The following GABRG3 variants were observed in gnomAD, a reference collection of about 807,000 sequenced individuals.
GABRG3 encodes gamma-aminobutyric acid type A receptor subunit gamma3.
A neutral mutation model predicts 48.8 loss-of-function variants in GABRG3; 25 were observed. The ratio of observed to expected loss-of-function variants is 0.51; its 90% CI spans 0.37 to 0.72. The LOEUF is 0.72. GABRG3 is among the 30% of genes least tolerant of loss of function. The pLI is 0.00. For synonymous variants in GABRG3, 227 were observed against 217.6 expected, an observed-to-expected ratio of 1.04 and a Z score of -0.38; for missense variants, 394 against 577.9, an observed-to-expected ratio of 0.68 and a Z score of 3.26.
At chr15:27,041,618 C>G (rs76209017) in intron 3 of GABRG3, among the ~76,000 whole-genome samples, 3,210 of 152,310 alleles carry the variant, frequency 0.021, 115 homozygotes, top group African/African-American at 0.073. Flanking sequence ...AATAAACTTT[C>G]CCTTTTTGGT....
intron 5 of GABRG3, among the ~76,000 whole-genome samples, chr15:27,329,776 T>A (rs1181585636): frequency 6.6e-6 from 1 of 152,226 alleles, no homozygotes; most frequent in Non-Finnish European, 1.5e-5. Context: ...AGTATAAGAG[T>A]ACATATAAAA....
At chr15:27,183,975 A>G (rs1220158148) in intron 3 of GABRG3, among the ~76,000 whole-genome samples, 1 of 152,214 alleles carries the variant, frequency 6.6e-6, no homozygotes. Context: ...TACCTGGGGT[A>G]ACAAAAGACA....
intron 6 of GABRG3, among the ~76,000 whole-genome samples, chr15:27,493,187 A>G (rs1446358921): frequency 6.6e-6 from 1 of 152,220 alleles, no homozygotes; most frequent in Non-Finnish European, 1.5e-5. Flanking sequence ...GTTTTTGTTA[A>G]TATCTTGGTA....
At chr15:27,402,311 C>G (rs563257210) in intron 5 of GABRG3, among the ~76,000 whole-genome samples, 1 of 152,234 alleles carries the variant, frequency 6.6e-6, no homozygotes, top group African/African-American at 2.4e-5. Flanking sequence ...AGAATGCTAA[C>G]AAGATATTGA....
intron 3 of GABRG3, among the ~76,000 whole-genome samples, chr15:27,143,577 C>T (rs546324858): frequency 6.6e-6 from 1 of 152,206 alleles, no homozygotes; most frequent in Admixed American, 6.5e-5. Context: ...AATGGAAAAG[C>T]CCAGGTGACA....
chr15:27,400,231 T>A (rs1887434840), intron 5 of GABRG3, among the ~76,000 whole-genome samples: 1 of 152,234 alleles, frequency 6.6e-6, no homozygotes, highest in South Asian at 2.1e-4. Flanking sequence ...ATTATATTTT[T>A]TAAATGTTCT....
At position 27,236,090 on chromosome 15, in the gene GABRG3, C is replaced by A. The variant is rs1175695244; in HGVS notation, c.271-90719C>A. Among the ~76,000 whole-genome samples, 1 of 152,088 alleles carries A rather than the reference C, an allele frequency of 6.6e-6. No individual in the cohort carries two copies. The highest frequency in any genetic ancestry group is 1.5e-5 in the Non-Finnish European group (1 of 68,022). ...TTTTGGGGTAGCATATTCTGGTCTCCTAGTTATATATATTTTTGGCTGGTG... is the reference window on the plus strand; with the variant it reads ...TTTTGGGGTAGCATATTCTGGTCTCATAGTTATATATATTTTTGGCTGGTG... On this transcript the variant is annotated intron_variant, in intron 3 of 9. Coordinates refer to ENST00000615808, the MANE Select transcript of GABRG3 (RefSeq NM_033223.5). This position sits in a 1 kb window ranked among gnomAD's most constrained non-coding sequence, Gnocchi z 4.4.
chr15:27,309,156 TATA>T (rs1892903542), intron 3 of GABRG3, among the ~76,000 whole-genome samples: 1 of 36,014 alleles, frequency 2.8e-5, no homozygotes, highest in Non-Finnish European at 9.6e-5. Context: ...TAGAAACACA[TATA>T]ATGTAAACAG....
intron 3 of GABRG3, among the ~76,000 whole-genome samples, chr15:27,033,442 C>A (rs1199048560): frequency 6.6e-6 from 1 of 152,074 alleles, no homozygotes; most frequent in African/African-American, 2.4e-5. Flanking sequence ...GGATAGCTAG[C>A]AAGGAAGTAA....
chr15:27,102,005 A>T (rs922416144), intron 3 of GABRG3, among the ~76,000 whole-genome samples: 5 of 152,122 alleles, frequency 3.3e-5, no homozygotes, highest in African/African-American at 1.2e-4. Context: ...CACATCCTAT[A>T]CAAAAACCAA....
intron 5 of GABRG3, among the ~76,000 whole-genome samples, chr15:27,437,703 T>C (rs1888661283): frequency 6.6e-6 from 1 of 152,224 alleles, no homozygotes; most frequent in Non-Finnish European, 1.5e-5. Context: ...TTTTCATCCA[T>C]TCGTGTTGCT....
At chr15:27,057,394 T>G in intron 3 of GABRG3, among the ~76,000 whole-genome samples, 1 of 152,324 alleles carries the variant, frequency 6.6e-6, no homozygotes, top group East Asian at 1.9e-4. Context: ...GCATCAACAC[T>G]TACGGTGATT....
At chr15:27,302,895 T>A (rs966552238) in intron 3 of GABRG3, among the ~76,000 whole-genome samples, 1 of 151,678 alleles carries the variant, frequency 6.6e-6, no homozygotes. Context: ...AAAGAGGAAG[T>A]CTCAAGGGAA....
At chr15:26,987,564 C>T (rs948098114) in intron 2 of GABRG3, among the ~76,000 whole-genome samples, 1 of 152,164 alleles carries the variant, frequency 6.6e-6, no homozygotes, top group Non-Finnish European at 1.5e-5. Flanking sequence ...TTCTAAAGGA[C>T]ATCTAATCCA....
chr15:27,250,497 G>A (rs1240580781), intron 3 of GABRG3, among the ~76,000 whole-genome samples: 1 of 152,148 alleles, frequency 6.6e-6, no homozygotes, highest in African/African-American at 2.4e-5. Context: ...TGCGATCTTG[G>A]CTCACTGCAA....
At chr15:27,231,630 G>T (rs1889804157) in intron 3 of GABRG3, among the ~76,000 whole-genome samples, 2 of 152,212 alleles carry the variant, frequency 1.3e-5, no homozygotes, top group South Asian at 4.1e-4. Flanking sequence ...TGAAAGGCAG[G>T]GGCTGGTCAA....
intron 5 of GABRG3, among the ~76,000 whole-genome samples, chr15:27,381,964 A>G (rs778285951): frequency 6.6e-6 from 1 of 152,210 alleles, no homozygotes; most frequent in Non-Finnish European, 1.5e-5. Context: ...TGCCCCAATT[A>G]CAAGAGTAGC....
intron 2 of GABRG3, among the ~76,000 whole-genome samples, chr15:27,015,742 A>G (rs926654897): frequency 3.9e-5 from 6 of 152,000 alleles, no homozygotes; most frequent in South Asian, 2.1e-4. Flanking sequence ...TCCTTTGTGT[A>G]TACTCTATAG....
chr15:27,196,032 A>G (rs1888486901), intron 3 of GABRG3, among the ~76,000 whole-genome samples: 1 of 152,116 alleles, frequency 6.6e-6, no homozygotes, highest in South Asian at 2.1e-4. Flanking sequence ...TTTCACAGGC[A>G]TCTTCCCTTG....
Sources: gnomAD v4.1 joint callset for allele counts (sites outside exome capture counted in the v4.1 genomes callset) on GRCh38, gnomAD v4.1.1 for gene constraint, Gnocchi (gnomAD v3.1) non-coding constraint, MANE v1.5 for transcripts, NCBI Gene and HGNC (gene_info 2026-07-23, HGNC 2026-07-21) for gene names.